The following SNX27 variants were observed in gnomAD, a reference collection of about 807,000 sequenced individuals.
SNX27 encodes sorting nexin-27.
Under a neutral mutation model 71.6 loss-of-function variants are expected in SNX27, and 22 were observed. The ratio of observed to expected loss-of-function variants is 0.31; its 90% CI spans 0.22 to 0.44. SNX27 has a LOEUF of 0.44. Among genes scored for constraint, SNX27 ranks in the 20% least tolerant of loss-of-function variants. SNX27 has a pLI of 1.00. For synonymous variants in SNX27, 269 were observed against 277.2 expected (o/e 0.97, Z 0.29); for missense variants, 531 against 698.6 (o/e 0.76, Z 2.70).
At chr1:151,615,686 G>A in intron 1 of SNX27, 2 of 983,256 alleles carry the variant, frequency 2.0e-6, no homozygotes, top group Non-Finnish European at 2.4e-6. Context: ...ATAGGTGAAT[G>A]TATGGACCTT....
chr1:151,615,080 A>G (rs955300980), intron 1 of SNX27, among the ~76,000 whole-genome samples: 3 of 152,194 alleles, frequency 2.0e-5, no homozygotes, highest in South Asian at 2.1e-4. Context: ...GAGAAAAAAC[A>G]TTACTTTTTG....
intron 2 of SNX27, among the ~76,000 whole-genome samples, chr1:151,650,204 T>G (rs1253977064): frequency 6.6e-6 from 1 of 151,920 alleles, no homozygotes; most frequent in Non-Finnish European, 1.5e-5. Context: ...TTTTAAAAAT[T>G]TTTAGTAGAG....
intron 2 of SNX27, among the ~76,000 whole-genome samples, chr1:151,641,609 A>ATATATATG (rs1452700752): frequency 5.6e-5 from 7 of 124,474 alleles, no homozygotes; most frequent in Non-Finnish European, 9.5e-5. Context: ...ATATATATAT[A>ATATATATG]TATATATATA....
chr1:151,677,646 C>G (rs993352650), intron 7 of SNX27: 1 of 151,910 alleles, frequency 6.6e-6, no homozygotes, highest in East Asian at 1.9e-4. Context: ...TTCAAGCAAT[C>G]CCCCCACCTT....
intron 8 of SNX27, among the ~76,000 whole-genome samples, chr1:151,684,481 T>C (rs1671101977): frequency 6.6e-6 from 1 of 152,178 alleles, no homozygotes; most frequent in Admixed American, 6.5e-5. Flanking sequence ...GTATCTGCCA[T>C]AGATACAGGG....
At chr1:151,681,708 A>G (rs1293642043) in intron 7 of SNX27, among the ~76,000 whole-genome samples, 1 of 151,974 alleles carries the variant, frequency 6.6e-6, no homozygotes, top group Non-Finnish European at 1.5e-5. Flanking sequence ...TTTCTTTAAT[A>G]AAGAAGGAGC....
At chr1:151,631,072 T>C (rs1200315490) in intron 1 of SNX27, among the ~76,000 whole-genome samples, 1 of 152,190 alleles carries the variant, frequency 6.6e-6, no homozygotes, top group African/African-American at 2.4e-5. Flanking sequence ...CTAAGTAAGA[T>C]AGCAAGGAGG....
intron 5 of SNX27, among the ~76,000 whole-genome samples, chr1:151,663,071 T>TTTTTCCAATTTTCCAATTTTCCAA (rs1553261344): frequency 6.6e-6 from 1 of 152,092 alleles, no homozygotes; most frequent in Non-Finnish European, 1.5e-5. Flanking sequence ...CATAGTCACA[T>TTTTTCCAATTTTCCAATTTTCCAA]TTTTCCAATT....
chr1:151,620,925 C>T (rs940598707), intron 1 of SNX27, among the ~76,000 whole-genome samples: 3 of 152,086 alleles, frequency 2.0e-5, no homozygotes, highest in African/African-American at 4.8e-5. Flanking sequence ...CTCATGACCT[C>T]GTAGTCCACC....
intron 1 of SNX27, among the ~76,000 whole-genome samples, chr1:151,617,732 T>C (rs548386950): frequency 1.3e-5 from 2 of 152,310 alleles, no homozygotes; most frequent in African/African-American, 4.8e-5. Flanking sequence ...TATTCTTCAG[T>C]AAATACTTGC....
chr1:151,678,269 T>TC (rs781093054), intron 7 of SNX27: 1 of 152,192 alleles, frequency 6.6e-6, no homozygotes, highest in African/African-American at 2.4e-5. Context: ...CGTTTTCCTC[T>TC]CCCCCTTGGC....
chr1:151,688,947 C>T (rs1296111489), intron 8 of SNX27, among the ~76,000 whole-genome samples: 1 of 152,152 alleles, frequency 6.6e-6, no homozygotes. Flanking sequence ...ACCTTGTCTT[C>T]CAATGAGACT....
intron 2 of SNX27, among the ~76,000 whole-genome samples, chr1:151,641,224 C>G (rs565917126): frequency 6.6e-6 from 1 of 151,902 alleles, no homozygotes; most frequent in Non-Finnish European, 1.5e-5. Context: ...GAGTATATAC[C>G]AAGAAGTGGA....
At chr1:151,646,062 T>G (rs901462381) in intron 2 of SNX27, among the ~76,000 whole-genome samples, 2 of 152,202 alleles carry the variant, frequency 1.3e-5, no homozygotes, top group Non-Finnish European at 2.9e-5. Context: ...ATTATTTATC[T>G]CTTTATATAA....
At chr1:151,657,423 G>A (rs985965070) in intron 2 of SNX27, among the ~76,000 whole-genome samples, 1 of 152,130 alleles carries the variant, frequency 6.6e-6, no homozygotes, top group African/African-American at 2.4e-5. Context: ...CTGCCTGTCA[G>A]CCTCACAAAG....
rs1667225809 is a variant in SNX27 at position 151,612,557 on chromosome 1, C to T, written c.311+45C>T. On this transcript the variant is annotated intron_variant, in intron 1 of 11. Coordinates refer to ENST00000458013, the MANE Select transcript of SNX27 (RefSeq NM_001330723.2). This position sits in a 1 kb window ranked among gnomAD's most constrained non-coding sequence, Gnocchi z 5.2. ...GCCGCCCCATCCTCCCCGCGCCCCTCCTGCCCCTGCACTCCTCGCTACCCT... is the reference window on the plus strand; with the variant it reads ...GCCGCCCCATCCTCCCCGCGCCCCTTCTGCCCCTGCACTCCTCGCTACCCT... The T allele has an allele frequency of 4.7e-6, 6 of 1,286,260 alleles. No individual in the cohort carries two copies. The highest frequency in any genetic ancestry group is 6.0e-6 in the Non-Finnish European group (6 of 1,002,438). The allele number at this position is 1,286,260 out of a possible 1,614,324, so 79.7% of individuals were successfully genotyped here.
At chr1:151,679,390 A>T (rs568105891) in intron 7 of SNX27, 34 of 152,362 alleles carry the variant, frequency 2.2e-4, no homozygotes, top group African/African-American at 7.7e-4. Flanking sequence ...GTAGAAATTA[A>T]TCATTTATAT....
chr1:151,624,405 G>C (rs866896433), intron 1 of SNX27, among the ~76,000 whole-genome samples: 1 of 106,598 alleles, frequency 9.4e-6, no homozygotes, highest in African/African-American at 3.5e-5. Context: ...TGAATAGCTT[G>C]ATTTTATATA....
intron 8 of SNX27, among the ~76,000 whole-genome samples, chr1:151,690,439 T>C (rs1317027330): frequency 6.6e-6 from 1 of 152,126 alleles, no homozygotes; most frequent in Non-Finnish European, 1.5e-5. Context: ...AATATCTTTT[T>C]TATTTTTATT....
Sources: allele counts gnomAD v4.1 joint callset (sites outside exome capture counted in the v4.1 genomes callset), GRCh38; gene constraint gnomAD v4.1.1; non-coding constraint Gnocchi (gnomAD v3.1); transcripts MANE v1.5; gene names NCBI Gene and HGNC (gene_info 2026-07-23, HGNC 2026-07-21).